FNDC3B: variants seen among roughly 807,000 people sequenced by gnomAD.
The protein encoded by FNDC3B is fibronectin type III domain containing 3B, also known as fibronectin type III domain-containing protein 3B.
FNDC3B carries 12 observed loss-of-function variants against 151.5 expected under a neutral mutation model. The ratio of observed to expected loss-of-function variants is 0.08; its 90% CI spans 0.05 to 0.13. The LOEUF is 0.13. Among genes scored for constraint, FNDC3B ranks in the 10% least tolerant of loss-of-function variants. FNDC3B has a pLI of 1.00. For synonymous variants in FNDC3B, 528 were observed against 549.0 expected (o/e 0.96, Z 0.54); for missense variants, 1,214 against 1,505.3 (o/e 0.81, Z 3.20).
chr3:172,392,482 T>G (rs1736058116), intron 25 of FNDC3B, among the ~76,000 whole-genome samples: 1 of 152,290 alleles, frequency 6.6e-6, no homozygotes, highest in Admixed American at 6.5e-5. Flanking sequence ...AACTACCAGG[T>G]GAACATTGGA....
At position 172,337,483 on chromosome 3, in the gene FNDC3B, T is replaced by C. The variant is rs60375808; in HGVS notation, c.1852+82T>C. ...ATAGTAAATGTCTTTATAGTAATAG[T>C]GAGTAATCATTAATTCTAAAGATAG... On this transcript the variant is annotated intron_variant, in intron 16 of 25. Coordinates refer to ENST00000415807, the MANE Select transcript of FNDC3B (RefSeq NM_022763.4). 14,700 of 871,448 alleles carry C rather than the reference T, an allele frequency of 0.017. 1,479 individuals are homozygous for C. The African/African-American group carries it at 0.22, about 13-fold the overall frequency. 54.0% of individuals were successfully genotyped at this position (871,448 alleles called of 1,614,324 possible).
intron 3 of FNDC3B, among the ~76,000 whole-genome samples, chr3:172,191,881 G>A: frequency 6.6e-6 from 1 of 152,166 alleles, no homozygotes; most frequent in Non-Finnish European, 1.5e-5. Context: ...GCTGATTGGA[G>A]CGCTGTGTAG....
chr3:172,265,834 A>G (rs1268350165), intron 6 of FNDC3B, among the ~76,000 whole-genome samples: 1 of 152,192 alleles, frequency 6.6e-6, no homozygotes, highest in Non-Finnish European at 1.5e-5. Context: ...ACATTCTACC[A>G]CCAGGCTTAT....
chr3:172,056,209 G>A (rs1484555089), intron 1 of FNDC3B, among the ~76,000 whole-genome samples: 1 of 149,726 alleles, frequency 6.7e-6, no homozygotes, highest in Non-Finnish European at 1.5e-5. Context: ...ACTAATGAAG[G>A]ACTTTTTTTT....
At chr3:172,343,308 G>A (rs906674226) in intron 18 of FNDC3B, among the ~76,000 whole-genome samples, 192 bp downstream of exon 18, 9 of 152,124 alleles carry the variant, frequency 5.9e-5, no homozygotes, top group Admixed American at 3.9e-4. Flanking sequence ...ATCCACACCC[G>A]CAACACTGTC....
At chr3:172,391,804 A>G (rs1736021243) in intron 25 of FNDC3B, among the ~76,000 whole-genome samples, 1 of 152,218 alleles carries the variant, frequency 6.6e-6, no homozygotes, top group South Asian at 2.1e-4. Flanking sequence ...GCTTTATCAA[A>G]CTGGTGGAGT....
intron 3 of FNDC3B, among the ~76,000 whole-genome samples, chr3:172,156,123 A>C (rs549550717): frequency 2.0e-5 from 3 of 152,336 alleles, no homozygotes; most frequent in African/African-American, 7.2e-5. Flanking sequence ...TAATTTCTGC[A>C]TTACAGATTT....
chr3:172,327,005 A>G lies in FNDC3B; in HGVS notation c.1255-1947A>G, dbSNP rs140208217. Among the ~76,000 whole-genome samples, 842 of 152,330 alleles carry G rather than the reference A, an allele frequency of 5.5e-3. 5 individuals are homozygous for G. Among genetic ancestry groups the G allele is most frequent in the African/African-American group, 0.019 (807 of 41,570 alleles). ...AATAGAGGAGGAAAGAAGGTAGATC[A>G]TGCCACAGCCTGAAATGGATACGAC... On this transcript the variant is annotated intron_variant, in intron 11 of 25. Coordinates refer to ENST00000415807, the MANE Select transcript of FNDC3B (RefSeq NM_022763.4).
chr3:172,179,489 C>A (rs1723772478), intron 3 of FNDC3B, among the ~76,000 whole-genome samples: 1 of 152,110 alleles, frequency 6.6e-6, no homozygotes, highest in Non-Finnish European at 1.5e-5. Flanking sequence ...GCTGGGACAC[C>A]TGGGCTTTGA....
intron 2 of FNDC3B, among the ~76,000 whole-genome samples, chr3:172,122,034 G>A (rs187117657): frequency 7.6e-4 from 116 of 152,284 alleles, no homozygotes; most frequent in Admixed American, 2.6e-3. Context: ...TATAAACACA[G>A]GAAGAAAAGA....
chr3:172,309,451 A>AGTTCTCATCTTAGAGATGG (rs72352561), intron 10 of FNDC3B, among the ~76,000 whole-genome samples: 7,577 of 151,702 alleles, frequency 0.05, 707 homozygotes, highest in African/African-American at 0.17. Context: ...TTTTTTTTTG[A>AGTTCTCATCTTAGAGATGG]GTTCTCATCT....
intron 1 of FNDC3B, among the ~76,000 whole-genome samples, chr3:172,063,848 GTC>G: frequency 6.6e-6 from 1 of 152,242 alleles, no homozygotes; most frequent in East Asian, 1.9e-4. Flanking sequence ...GAATGTTTGT[GTC>G]TCTCTCCCCT....
chr3:172,113,012 A>C (rs1051276823), intron 2 of FNDC3B, among the ~76,000 whole-genome samples: 1 of 152,318 alleles, frequency 6.6e-6, no homozygotes, highest in African/African-American at 2.4e-5. Context: ...CTCCTGGAAT[A>C]GTCCTTCCAA....
At chr3:172,243,942 C>T (rs1338876327) in intron 4 of FNDC3B, among the ~76,000 whole-genome samples, 1 of 152,200 alleles carries the variant, frequency 6.6e-6, no homozygotes, top group Non-Finnish European at 1.5e-5. Context: ...AGGCTCTATG[C>T]TTCTCTGGAG....
rs542599172 is a variant in FNDC3B, at chr3:172,183,544, T to C, written c.188-43327T>C. ...CTGGTCTTACTGCTGGTTTGCTTTA[T>C]AAGAAAATTCAATCCGTTTTGTCTT... is the stretch of plus-strand genomic sequence containing the variant. On this transcript the variant is annotated intron_variant, in intron 3 of 25. Transcript: ENST00000415807. Among the ~76,000 whole-genome samples the C allele has an allele frequency of 2.0e-5, 3 of 152,348 alleles. No homozygotes were observed. The South Asian group carries it at 6.2e-4, about 32-fold the overall frequency.
chr3:172,094,658 C>T (rs923771623), intron 1 of FNDC3B, among the ~76,000 whole-genome samples: 2 of 152,030 alleles, frequency 1.3e-5, no homozygotes, highest in African/African-American at 4.8e-5. Flanking sequence ...AACAAGCACC[C>T]CGCTTAATTC....
At chr3:172,388,126 T>C (rs1735813843) in intron 25 of FNDC3B, among the ~76,000 whole-genome samples, 1 of 152,192 alleles carries the variant, frequency 6.6e-6, no homozygotes. Context: ...GATGATAACA[T>C]GGTGCAATTA....
At chr3:172,363,778 C>A (rs966719782) in intron 23 of FNDC3B, among the ~76,000 whole-genome samples, 1 of 152,214 alleles carries the variant, frequency 6.6e-6, no homozygotes, top group African/African-American at 2.4e-5. Flanking sequence ...TGATGGATTT[C>A]AGTACAGTGG....
At chr3:172,052,438 T>C (rs1716711468) in intron 1 of FNDC3B, among the ~76,000 whole-genome samples, 1 of 152,088 alleles carries the variant, frequency 6.6e-6, no homozygotes, top group African/African-American at 2.4e-5. Context: ...AACCCTCTCC[T>C]CCCCCAAATG....
Sources: gnomAD v4.1 joint callset for allele counts (sites outside exome capture counted in the v4.1 genomes callset) on GRCh38, gnomAD v4.1.1 for gene constraint, MANE v1.5 for transcripts, NCBI Gene and HGNC (gene_info 2026-07-23, HGNC 2026-07-21) for gene names.